Variants in CACNA1C observed in about 807,000 individuals in gnomAD.
The protein encoded by CACNA1C is calcium voltage-gated channel subunit alpha1 C.
In CACNA1C, 30 loss-of-function variants were observed where a neutral mutation model predicts 229.0. That is an observed-to-expected ratio of 0.13 (90% confidence interval 0.10 to 0.18). CACNA1C has a LOEUF of 0.18. Ranked by LOEUF, CACNA1C falls within the 10% of genes least tolerant of loss-of-function variation. CACNA1C has a pLI of 1.00. For missense variants in CACNA1C, 1,658 were observed against 2,845.0 expected (o/e 0.58, Z 9.49); for synonymous variants, 1,114 against 1,132.5 (o/e 0.98, Z 0.33).
At chr12:2,240,061 G>A (rs759236292) in intron 3 of CACNA1C, among the ~76,000 whole-genome samples, 3 of 152,222 alleles carry the variant, frequency 2.0e-5, no homozygotes, top group African/African-American at 4.8e-5. Context: ...AACAGTGATC[G>A]CTAAATTGCT....
intron 30 of CACNA1C, chr12:2,641,524 G>T: frequency 1.7e-6 from 1 of 585,708 alleles, no homozygotes; most frequent in East Asian, 2.9e-5. Flanking sequence ...CCTTCTCATT[G>T]CTGGAGCCTC....
chr12:2,185,497 A>G lies in CACNA1C; in HGVS notation c.477+65067A>G, dbSNP rs561041443. Among the ~76,000 whole-genome samples the G allele has an allele frequency of 2.6e-4, 40 of 152,340 alleles. 1 individual carries two copies. The South Asian group carries it at 8.3e-3, about 32-fold the overall frequency. ...AGACAGGGTCTTTAAAGAGGTGATTAAGTTAGCATGAGACCATTAGGGTGG... is the reference window on the plus strand; with the variant it reads ...AGACAGGGTCTTTAAAGAGGTGATTGAGTTAGCATGAGACCATTAGGGTGG... On this transcript the variant is annotated intron_variant, in intron 3 of 46. Transcript: ENST00000399655.
intron 3 of CACNA1C, among the ~76,000 whole-genome samples, chr12:2,279,967 G>A (rs2090490269): frequency 6.6e-6 from 1 of 152,198 alleles, no homozygotes; most frequent in Non-Finnish European, 1.5e-5. Flanking sequence ...GTTACTGAGG[G>A]ACAGCTGCAT....
rs567039717 is a variant in CACNA1C at position 2,063,030 on chromosome 12, C to CA, written c.49+9425dup. On this transcript the variant is annotated intron_variant, in intron 1 of 46. Transcript: ENST00000399655. ...ACTTCCCCAATATTTTCATCACCCG[C>CA]AAAAAATACCCTTTACCCATTGGTA... Among the ~76,000 whole-genome samples the CA allele has an allele frequency of 6.6e-5, 10 of 152,242 alleles. No individual in the cohort carries two copies. The South Asian group carries it at 1.7e-3, about 25-fold the overall frequency.
intron 3 of CACNA1C, among the ~76,000 whole-genome samples, chr12:2,395,372 C>T (rs1022733276): frequency 3.3e-5 from 5 of 152,148 alleles, no homozygotes; most frequent in Non-Finnish European, 7.3e-5. Flanking sequence ...GTGTGCACCA[C>T]CATGCTCAGC....
chr12:2,316,124 AAG>A (rs1413876693), intron 3 of CACNA1C, among the ~76,000 whole-genome samples: 4 of 152,230 alleles, frequency 2.6e-5, no homozygotes, highest in Non-Finnish European at 5.9e-5. Flanking sequence ...TGGCTCCACT[AAG>A]AGAATGGGCT....
At chr12:2,147,670 G>A (rs2094846072) in intron 3 of CACNA1C, among the ~76,000 whole-genome samples, 2 of 150,172 alleles carry the variant, frequency 1.3e-5, no homozygotes, top group Admixed American at 1.4e-4. Flanking sequence ...ATATATCTGA[G>A]GATAAAATGT....
At chr12:2,619,119 C>A (rs559967234) in intron 29 of CACNA1C, among the ~76,000 whole-genome samples, 15 of 152,318 alleles carry the variant, frequency 9.8e-5, no homozygotes, top group Middle Eastern at 3.4e-3. Flanking sequence ...ACCCAGGAAG[C>A]CTAGATCCCA....
At position 2,691,010 on chromosome 12, in the gene CACNA1C, C is replaced by T. The variant is rs770654650; in HGVS notation, c.6228C>T (p.Ser2076=). The part of the protein sequence containing the change: ...ACDMTIEEME[S]AADNILSGGA... ...ACATGACCATAGAGGAGATGGAGAG[C>T]GCGGCCGACAACATCCTCAGCGGGG... Residue 2076 remains serine, a synonymous_variant, in exon 47 of 47, where the codon AGC becomes AGT. Coordinates refer to ENST00000399655, the MANE Select transcript of CACNA1C (RefSeq NM_000719.7). 15 of 1,599,980 alleles carry T rather than the reference C, an allele frequency of 9.4e-6. No individual in the cohort carries two copies. Among genetic ancestry groups the T allele is most frequent in the South Asian group, 2.3e-5 (2 of 88,666 alleles).
chr12:2,588,175 C>A (rs1242863847), intron 18 of CACNA1C, among the ~76,000 whole-genome samples: 2 of 152,346 alleles, frequency 1.3e-5, no homozygotes, highest in East Asian at 3.9e-4. Flanking sequence ...CTGTTCTGGT[C>A]AATCTCTGGT....
intron 34 of CACNA1C, among the ~76,000 whole-genome samples, chr12:2,658,899 G>T (rs2095561365): frequency 6.6e-6 from 1 of 151,396 alleles, no homozygotes; most frequent in African/African-American, 2.4e-5. Context: ...ATAAAATAAG[G>T]ATATGAAGAA....
chr12:2,204,357 A>G (rs1448461763), intron 3 of CACNA1C, among the ~76,000 whole-genome samples: 2 of 152,122 alleles, frequency 1.3e-5, no homozygotes, highest in Non-Finnish European at 2.9e-5. Context: ...TATTAGCCCT[A>G]GTTCAACCAT....
At chr12:2,661,981 G>T (rs561869826) in intron 34 of CACNA1C, among the ~76,000 whole-genome samples, 1 of 152,184 alleles carries the variant, frequency 6.6e-6, no homozygotes, top group Admixed American at 6.5e-5. Context: ...AGTGGCTCAC[G>T]CCTGTAATCC....
intron 3 of CACNA1C, among the ~76,000 whole-genome samples, chr12:2,209,846 C>G (rs2097863829): frequency 6.6e-6 from 1 of 152,156 alleles, no homozygotes; most frequent in South Asian, 2.1e-4. Flanking sequence ...AAATTCTCAA[C>G]TAAAATCAGA....
At chr12:2,406,663 C>T (rs1405942316) in intron 3 of CACNA1C, among the ~76,000 whole-genome samples, 4 of 152,202 alleles carry the variant, frequency 2.6e-5, no homozygotes, top group Non-Finnish European at 5.9e-5. Flanking sequence ...AGACTTTCTG[C>T]ATTTCCACGG....
intron 3 of CACNA1C, among the ~76,000 whole-genome samples, chr12:2,351,748 G>A (rs1051277273): frequency 7.2e-5 from 11 of 152,210 alleles, no homozygotes; most frequent in African/African-American, 2.2e-4. Flanking sequence ...TTAGGGTCAT[G>A]AGAGCGTGTT....
At position 2,371,933 on chromosome 12, in the gene CACNA1C, A is replaced by G. The variant is rs543488175; in HGVS notation, c.478-77043A>G. On this transcript the variant is annotated intron_variant, in intron 3 of 46. Transcript: ENST00000399655. ...GCAATTTTCTTCCTTCCCCTCTTAG[A>G]TGTTCCTAGATGGTGGGGAAGTTCA... Among the ~76,000 whole-genome samples, 6 of 152,224 alleles carry G rather than the reference A, an allele frequency of 3.9e-5. No homozygotes were observed. In the South Asian group the frequency reaches 1.2e-3, roughly 32 times the overall value.
rs2099844308 is a variant in CACNA1C at position 2,532,806 on chromosome 12, T to G, written c.1391-17137T>G. Among the ~76,000 whole-genome samples, 3 of 152,102 alleles carry G rather than the reference T, an allele frequency of 2.0e-5. No homozygotes were observed. In the South Asian group the frequency reaches 6.2e-4, roughly 32 times the overall value. ...CAGAAGGAGACAGGTCACGGAGAGG[T>G]AGCAGTGTACCCCAGGCAGTCGGGC... On this transcript the variant is annotated intron_variant, in intron 9 of 46. Transcript: ENST00000399655.
At chr12:2,690,312 C>T in intron 46 of CACNA1C, 1 of 153,462 alleles carries the variant, frequency 6.5e-6, no homozygotes, top group Non-Finnish European at 1.4e-5. Flanking sequence ...CCTCTGAGAG[C>T]CAAACCTTCT....
Sources: gnomAD v4.1 joint callset for allele counts (sites outside exome capture counted in the v4.1 genomes callset) on GRCh38, gnomAD v4.1.1 for gene constraint, MANE v1.5 for transcripts, NCBI Gene and HGNC (gene_info 2026-07-23, HGNC 2026-07-21) for gene names.